ANK1: variants seen among roughly 807,000 people sequenced by gnomAD.
ANK1 encodes ankyrin-1.
ANK1 carries 51 observed loss-of-function variants against 210.4 expected under a neutral mutation model. That is an observed-to-expected ratio of 0.24 (90% CI 0.19 to 0.31). The LOEUF (loss-of-function observed/expected upper bound fraction) is 0.31, where lower values mean the gene tolerates loss of function less well. Ranked by LOEUF, ANK1 falls within the 10% of genes least tolerant of loss-of-function variation. ANK1 has a pLI of 1.00. For synonymous variants in ANK1, 967 were observed against 1,025.9 expected, an observed-to-expected ratio of 0.94 and a Z score of 1.10; for missense variants, 2,051 against 2,504.4, an observed-to-expected ratio of 0.82 and a Z score of 3.86.
rs553065355 is a variant in ANK1, at chr8:41,731,808, T to G, written c.228+2163A>C. Among the ~76,000 whole-genome samples, 3 of 152,352 alleles carry G rather than the reference T, an allele frequency of 2.0e-5. No homozygotes were observed. The East Asian group carries it at 5.8e-4, about 29-fold the overall frequency. On this transcript the variant is annotated intron_variant, in intron 3 of 42. Coordinates refer to ENST00000289734, the MANE Select transcript of ANK1 (RefSeq NM_000037.4). ...GGAGATTCGGAAACAGTCGAAGCGC[T>G]GAAGCCTCGTGTTTCCGCAGCCCTT...
chr8:41,725,378 C>A (rs1201811506), intron 6 of ANK1, among the ~76,000 whole-genome samples: 1 of 152,220 alleles, frequency 6.6e-6, no homozygotes, highest in African/African-American at 2.4e-5. Context: ...GGTCCCGGAC[C>A]CCCTTTCTCC....
intron 1 of ANK1, among the ~76,000 whole-genome samples, chr8:41,894,077 A>C (rs1047027072): frequency 6.6e-6 from 1 of 152,116 alleles, no homozygotes; most frequent in Admixed American, 6.6e-5. Context: ...GATGACCCTC[A>C]AGACCATCCC....
At position 41,723,572 on chromosome 8, in the gene ANK1, A is replaced by G; in HGVS notation, c.773T>C (p.Leu258Pro). The G allele has an allele frequency of 6.2e-7, 1 of 1,614,016 alleles. No homozygotes were observed. Among genetic ancestry groups the G allele is most frequent in the Non-Finnish European group, 8.5e-7 (1 of 1,179,976 alleles). ...RRGNVIMVRL[L>P]LDRGAQIETK... is the part of the protein sequence containing the mutation. ...TTCTATCTGGGCTCCCCGATCCAGC[A>G]GCAGCCGCACCATGATCACGTTGCC... The change falls in exon 8 of 43, where the codon CTG (leucine) becomes CCG (proline). Residue 258 changes from leucine (L) to proline (P), a missense_variant. Physicochemically the swap from Leu to Pro is moderately conservative, Grantham distance 98. Coordinates refer to ENST00000289734, the MANE Select transcript of ANK1 (RefSeq NM_000037.4).
chr8:41,696,843 G>A (rs1010554856), intron 24 of ANK1, 70 bp from the exon 25 acceptor site: 1 of 1,446,750 alleles, frequency 6.9e-7, no homozygotes. Context: ...CCAGGGCGTG[G>A]AGGCTTGGAA....
intron 1 of ANK1, among the ~76,000 whole-genome samples, chr8:41,862,720 C>A (rs1813529820): frequency 6.7e-6 from 1 of 149,378 alleles, no homozygotes; most frequent in Admixed American, 6.7e-5. Context: ...AAAAGAAAAA[C>A]CACTGCAGGC....
At chr8:41,819,908 C>G (rs1334610884) in intron 1 of ANK1, among the ~76,000 whole-genome samples, 1 of 152,206 alleles carries the variant, frequency 6.6e-6, no homozygotes, top group Non-Finnish European at 1.5e-5. Flanking sequence ...AAACAGACAC[C>G]AATATGGTGA....
chr8:41,849,159 A>G (rs1257436064), intron 1 of ANK1, among the ~76,000 whole-genome samples: 1 of 152,216 alleles, frequency 6.6e-6, no homozygotes, highest in African/African-American at 2.4e-5. Context: ...CTCACTTCAT[A>G]TCCTCTGCCC....
At position 41,686,302 on chromosome 8, in the gene ANK1, C is replaced by G. The variant is rs762742420; in HGVS notation, c.4259-19G>C. ...GCCAACTCTGCAAGCAAAGAACCAA[C>G]AGCAGATGTGAGCCTCCAGCTCACC... On this transcript the variant is annotated intron_variant, in intron 35 of 42. Transcript: ENST00000289734. 2 of 1,613,000 alleles carry G rather than the reference C, an allele frequency of 1.2e-6. No homozygotes were observed. The highest frequency in any genetic ancestry group is 1.1e-5 in the South Asian group (1 of 91,024).
intron 1 of ANK1, among the ~76,000 whole-genome samples, chr8:41,841,361 G>T (rs946856303): frequency 1.3e-5 from 2 of 152,200 alleles, no homozygotes; most frequent in African/African-American, 4.8e-5. Context: ...AGACTAGAAT[G>T]GTGGTTGCCA....
chr8:41,780,941 G>A (rs1366014160), intron 1 of ANK1, among the ~76,000 whole-genome samples: 5 of 151,952 alleles, frequency 3.3e-5, no homozygotes, highest in East Asian at 3.9e-4. Context: ...CAAGGAGGAT[G>A]CAGCTGGGGG....
Position 41,655,324 on chromosome 8 carries a change from C to G in ANK1, c.*466G>C, listed in dbSNP as rs1195153912. The stretch of plus-strand genomic sequence containing the variant: ...AGTTTTCTTTTTTTTTTTTTTCTTT[C>G]CAGGAAGCCCACATGGATTTCTGAC... On this transcript the variant is annotated 3_prime_UTR_variant, in exon 43 of 43. Coordinates refer to ENST00000289734, the MANE Select transcript of ANK1 (RefSeq NM_000037.4). 1 of 145,776 alleles carries G rather than the reference C, an allele frequency of 6.9e-6. No homozygotes were observed. The highest frequency in any genetic ancestry group is 1.4e-5 in the Non-Finnish European group (1 of 70,420). The allele number at this position is 145,776 out of a possible 1,614,324, so 9.0% of individuals were successfully genotyped here.
chr8:41,886,545 A>G (rs906812304), intron 1 of ANK1, among the ~76,000 whole-genome samples: 4 of 152,236 alleles, frequency 2.6e-5, no homozygotes, highest in African/African-American at 4.8e-5. Flanking sequence ...CTGGAATAGT[A>G]TGGGACAGGG....
chr8:41,688,784 A>G (rs1818408975), intron 33 of ANK1, among the ~76,000 whole-genome samples, 195 bp from the exon 34 acceptor site: 1 of 152,210 alleles, frequency 6.6e-6, no homozygotes, highest in Admixed American at 6.5e-5. Flanking sequence ...GAAGAAGCGC[A>G]CATGCGTTAT....
At chr8:41,837,043 A>G (rs371352545) in intron 1 of ANK1, among the ~76,000 whole-genome samples, 2 of 152,316 alleles carry the variant, frequency 1.3e-5, no homozygotes, top group East Asian at 3.9e-4. Flanking sequence ...GGCAATGAGC[A>G]TTGGTTAAAT....
At chr8:41,666,054 G>A (rs1810429547) in intron 39 of ANK1, among the ~76,000 whole-genome samples, 1 of 152,230 alleles carries the variant, frequency 6.6e-6, no homozygotes, top group African/African-American at 2.4e-5. Flanking sequence ...ACACAGATCT[G>A]GGACACAGCA....
intron 1 of ANK1, among the ~76,000 whole-genome samples, chr8:41,781,760 C>T (rs558156919): frequency 2.2e-4 from 34 of 152,276 alleles, no homozygotes; most frequent in African/African-American, 5.8e-4. Flanking sequence ...AACAGACCCC[C>T]GACTCAGGGC....
chr8:41,803,039 A>AAGAAAGAAAG, intron 1 of ANK1, among the ~76,000 whole-genome samples: 1 of 68,970 alleles, frequency 1.4e-5, no homozygotes, highest in East Asian at 2.7e-4. Flanking sequence ...GAAAGAAAGA[A>AAGAAAGAAAG]AGAGAAAGAA....
chr8:41,668,877 C>A (rs1313550880), intron 38 of ANK1, among the ~76,000 whole-genome samples: 3 of 152,170 alleles, frequency 2.0e-5, no homozygotes, highest in Non-Finnish European at 4.4e-5. Context: ...GGTCCAAACA[C>A]TGGGGCCTCC....
chr8:41,742,832 C>A (rs1835113682), intron 2 of ANK1, among the ~76,000 whole-genome samples: 1 of 152,142 alleles, frequency 6.6e-6, no homozygotes, highest in Non-Finnish European at 1.5e-5. Flanking sequence ...GATGCTTTTA[C>A]CTTTACCCAT....
Sources: gnomAD v4.1 joint callset for allele counts (sites outside exome capture counted in the v4.1 genomes callset) on GRCh38, gnomAD v4.1.1 for gene constraint, MANE v1.5 for transcripts, NCBI Gene and HGNC (gene_info 2026-07-23, HGNC 2026-07-21) for gene names.